The following ARHGAP31 variants were observed in gnomAD, a reference collection of about 807,000 sequenced individuals.
The protein encoded by ARHGAP31 is Rho GTPase activating protein 31.
A neutral mutation model predicts 113.9 loss-of-function variants in ARHGAP31; 34 were observed. The ratio of observed to expected loss-of-function variants is 0.30; its 90% confidence interval spans 0.23 to 0.40. The LOEUF (loss-of-function observed/expected upper bound fraction) is 0.40, where lower values mean the gene tolerates loss of function less well. ARHGAP31 is among the 10% of genes least tolerant of loss of function. The pLI, the probability that ARHGAP31 is intolerant of heterozygous loss-of-function variation, is 1.00. For synonymous variants in ARHGAP31, 650 were observed against 684.8 expected (o/e 0.95, Z 0.79); for missense variants, 1,548 against 1,767.1 (o/e 0.88, Z 2.22).
chr3:119,337,219 A>C (rs1381352123), intron 1 of ARHGAP31, among the ~76,000 whole-genome samples: 2 of 152,022 alleles, frequency 1.3e-5, no homozygotes, highest in African/African-American at 2.4e-5. Context: ...GTTCCTTCTG[A>C]TGTTCGGACA....
intron 1 of ARHGAP31, chr3:119,298,852 T>A: frequency 4.6e-6 from 1 of 218,878 alleles, no homozygotes; most frequent in South Asian, 7.3e-5. Context: ...ACCGCCTATA[T>A]ACTTCCGAAG....
At position 119,393,564 on chromosome 3, in the gene ARHGAP31, G is replaced by A; in HGVS notation, c.979G>A (p.Val327Ile). The stretch of plus-strand genomic sequence containing the variant: ...ATCAAAACTGAGTAGAAATGGGAGT[G>A]TATTTGTGAGAGGACAGAGGCTCTC... The part of the protein sequence containing the change: ...SKSKLSRNGS[V>I]FVRGQRLSVE... Residue 327 changes from valine (V) to isoleucine (I), a missense_variant, in exon 8 of 12, where the codon GTA (valine) becomes ATA (isoleucine). Coordinates refer to ENST00000264245, the MANE Select transcript of ARHGAP31 (RefSeq NM_020754.4). 3 of 1,614,140 alleles carry A rather than the reference G, an allele frequency of 1.9e-6. No homozygotes were observed. In the East Asian group the frequency reaches 6.7e-5, roughly 36 times the overall value.
intron 2 of ARHGAP31, 125 bp from the exon 3 acceptor site, chr3:119,368,247 A>G: frequency 7.8e-7 from 1 of 1,276,312 alleles, no homozygotes; most frequent in Non-Finnish European, 1.1e-6. Context: ...ATCTTTTTGA[A>G]TTAAGGTCAA....
intron 1 of ARHGAP31, among the ~76,000 whole-genome samples, chr3:119,360,401 A>C (rs916775132): frequency 2.6e-5 from 4 of 152,222 alleles, no homozygotes; most frequent in African/African-American, 9.6e-5. Flanking sequence ...TGCCATTTGC[A>C]CTATGAAAGA....
At chr3:119,359,215 A>G (rs1206393745) in intron 1 of ARHGAP31, among the ~76,000 whole-genome samples, 1 of 151,966 alleles carries the variant, frequency 6.6e-6, no homozygotes, top group Non-Finnish European at 1.5e-5. Flanking sequence ...ACGAGGTTTC[A>G]CTGTATTGGG....
At chr3:119,326,536 G>A (rs1489835337) in intron 1 of ARHGAP31, among the ~76,000 whole-genome samples, 3 of 152,186 alleles carry the variant, frequency 2.0e-5, no homozygotes, top group Non-Finnish European at 4.4e-5. Context: ...AAGTGGAAAC[G>A]TCCAAGATAT....
chr3:119,407,174 C>T (rs569147386), intron 10 of ARHGAP31, among the ~76,000 whole-genome samples: 2 of 151,864 alleles, frequency 1.3e-5, no homozygotes, highest in East Asian at 1.9e-4. Flanking sequence ...GATGAAACCC[C>T]GTCTCTACTA....
At chr3:119,319,250 G>GT (rs956291926) in intron 1 of ARHGAP31, among the ~76,000 whole-genome samples, 32 of 150,048 alleles carry the variant, frequency 2.1e-4, no homozygotes, top group Admixed American at 1.5e-3. Flanking sequence ...AAACTCTAGA[G>GT]TTTTTTTTGT....
At chr3:119,372,308 A>T (rs1456047117) in intron 3 of ARHGAP31, among the ~76,000 whole-genome samples, 1 of 143,502 alleles carries the variant, frequency 7.0e-6, no homozygotes, top group Non-Finnish European at 1.5e-5. Context: ...TTTGAGACAG[A>T]GTCTCACTCT....
intron 3 of ARHGAP31, among the ~76,000 whole-genome samples, chr3:119,372,994 G>T (rs1008940136): frequency 6.6e-6 from 1 of 152,112 alleles, no homozygotes; most frequent in African/African-American, 2.4e-5. Context: ...AGGAAAATTC[G>T]CTATCTATTG....
intron 1 of ARHGAP31, among the ~76,000 whole-genome samples, chr3:119,324,480 A>G (rs1370752693): frequency 6.6e-6 from 1 of 152,226 alleles, no homozygotes; most frequent in Non-Finnish European, 1.5e-5. Context: ...AGAAAAATAA[A>G]AAATTAGCAG....
At chr3:119,366,239 T>C (rs1008248134) in intron 2 of ARHGAP31, among the ~76,000 whole-genome samples, 1 of 151,948 alleles carries the variant, frequency 6.6e-6, no homozygotes, top group African/African-American at 2.4e-5. Context: ...TTACCTATAT[T>C]TATTATATGT....
At chr3:119,339,612 G>A (rs1278309496) in intron 1 of ARHGAP31, among the ~76,000 whole-genome samples, 2 of 151,978 alleles carry the variant, frequency 1.3e-5, no homozygotes, top group South Asian at 2.1e-4. Context: ...CCGCATCTCC[G>A]ACCCCACACA....
intron 3 of ARHGAP31, among the ~76,000 whole-genome samples, chr3:119,379,829 T>C (rs6771434): frequency 0.57 from 86,753 of 151,988 alleles, 25,026 homozygotes; most frequent in Middle Eastern, 0.63. Context: ...TATATCTCAG[T>C]GAAAAAGGAA....
At chr3:119,375,956 A>G (rs1419982600) in intron 3 of ARHGAP31, among the ~76,000 whole-genome samples, 5 of 152,120 alleles carry the variant, frequency 3.3e-5, no homozygotes, top group African/African-American at 4.8e-5. Flanking sequence ...GGCTCCAGCA[A>G]CCCTTCTGCT....
In ARHGAP31 at chr3:119,391,000, T is replaced by C. The variant is rs758578169; in HGVS notation, c.881+17T>C. ...AGACAACAAGTAAGTGGCACTCTTT[T>C]AAAAAATTCTAGGAGATGTGTGGTT... On this transcript the variant is annotated intron_variant, in intron 7 of 11. Transcript: ENST00000264245. The C allele has an allele frequency of 6.2e-7, 1 of 1,612,520 alleles. No individual in the cohort carries two copies. The highest frequency in any genetic ancestry group is 8.5e-7 in the Non-Finnish European group (1 of 1,178,668).
chr3:119,354,925 C>A (rs1254679085), intron 1 of ARHGAP31, among the ~76,000 whole-genome samples: 1 of 151,444 alleles, frequency 6.6e-6, no homozygotes, highest in East Asian at 1.9e-4. Context: ...AGATATTAAC[C>A]ATGAGCTGTT....
At chr3:119,360,907 CAG>C (rs1307078897) in intron 1 of ARHGAP31, among the ~76,000 whole-genome samples, 5 of 152,166 alleles carry the variant, frequency 3.3e-5, no homozygotes. Context: ...GGAGGAGACT[CAG>C]AGTTCTATGG....
intron 6 of ARHGAP31, among the ~76,000 whole-genome samples, chr3:119,387,967 C>T (rs1325291649): frequency 6.6e-6 from 1 of 152,082 alleles, no homozygotes; most frequent in Non-Finnish European, 1.5e-5. Flanking sequence ...GAAGTGAGAC[C>T]TGAATGACAT....
Sources: gnomAD v4.1 joint callset for allele counts (sites outside exome capture counted in the v4.1 genomes callset) on GRCh38, gnomAD v4.1.1 for gene constraint, MANE v1.5 for transcripts, NCBI Gene and HGNC (gene_info 2026-07-23, HGNC 2026-07-21) for gene names.